Variants in RNF17 observed in about 807,000 individuals in gnomAD.
RNF17 encodes the protein spermatogenesis associated 23.
Under a neutral mutation model 200.5 loss-of-function variants are expected in RNF17, and 31 were observed. The observed-to-expected ratio is 0.15, with a 90% CI of 0.12 to 0.21. The LOEUF is 0.21. Ranked by LOEUF, RNF17 falls within the 10% of genes least tolerant of loss-of-function variation. The pLI, the probability that RNF17 is intolerant of heterozygous loss-of-function variation, is 1.00. For missense variants in RNF17, 1,628 were observed against 1,905.1 expected (o/e 0.85, Z 2.71); for synonymous variants, 606 against 637.8 (o/e 0.95, Z 0.75).
chr13:24,831,788 A>C, intron 17 of RNF17, 70 bp from the exon 18 acceptor site: 1 of 1,370,256 alleles, frequency 7.3e-7, no homozygotes, highest in Non-Finnish European at 1.0e-6. Context: ...TACACACTTA[A>C]TAAAACTTGA....
chr13:24,881,671 A>G (rs1953823322), downstream of RNF17, among the ~76,000 whole-genome samples: 1 of 148,692 alleles, frequency 6.7e-6, no homozygotes, highest in Non-Finnish European at 1.5e-5. Context: ...ACCTATATAT[A>G]TCTATCTAGA....
intron 2 of RNF17, among the ~76,000 whole-genome samples, chr13:24,773,866 C>A (rs567116110): frequency 6.6e-6 from 1 of 152,228 alleles, no homozygotes; most frequent in Admixed American, 6.5e-5. Flanking sequence ...CCTAGGCACC[C>A]AGAGAATGAT....
intron 15 of RNF17, among the ~76,000 whole-genome samples, chr13:24,807,670 T>C (rs988396334): frequency 2.0e-5 from 3 of 151,984 alleles, no homozygotes; most frequent in African/African-American, 7.2e-5. Context: ...TTTGTCAATT[T>C]TGTCTTTTGT....
At position 24,804,193 on chromosome 13, in the gene RNF17, G is replaced by T. The variant is rs911085542; in HGVS notation, c.1950-95G>T. 2.6e-6 allele frequency: 3 copies of T among 1,132,320 alleles called. No individual in the cohort carries two copies. In the African/African-American group the frequency reaches 4.6e-5, roughly 18 times the overall value. 70.1% of individuals were successfully genotyped at this position (1,132,320 alleles called of 1,614,324 possible). A position where few individuals can be genotyped will look rare whatever the true frequency, so the allele number is the denominator to read the frequency against. On this transcript the variant is annotated intron_variant, in intron 14 of 35. Coordinates refer to ENST00000255324, the MANE Select transcript of RNF17 (RefSeq NM_031277.3). ...GGGAGGATTGCTTGAGCCCAGAAGG[G>T]TAGAGGCTGCAGTGAGCCATGATAG...
rs538794373 is a variant in RNF17 at position 24,773,454 on chromosome 13, A to G, written c.226-1359A>G. On this transcript the variant is annotated intron_variant, in intron 2 of 35. Coordinates refer to ENST00000255324, the MANE Select transcript of RNF17 (RefSeq NM_031277.3). ...ATCCTAAGCAAATTAATGCAGAAAC[A>G]GAAAACCAAGTACCACATTTTCACT... Among the ~76,000 whole-genome samples the G allele has an allele frequency of 3.5e-4, 53 of 152,356 alleles. No individual in the cohort carries two copies. The Middle Eastern group carries it at 0.014, about 39-fold the overall frequency.
chr13:24,778,221 C>A, intron 3 of RNF17, 74 bp from the exon 4 acceptor site: 1 of 954,586 alleles, frequency 1.0e-6, no homozygotes, highest in Admixed American at 1.9e-5. Context: ...ATGATGGTGC[C>A]ACTGCACTCT....
chr13:24,881,232 T>C (rs192944289), downstream of RNF17, among the ~76,000 whole-genome samples: 1 of 152,066 alleles, frequency 6.6e-6, no homozygotes, highest in Admixed American at 6.5e-5. Context: ...CTGCAACCTC[T>C]GCCTCCTGAG....
Position 24,792,158 on chromosome 13 carries a change from A to G in RNF17, c.936-884A>G, listed in dbSNP as rs75821073. On this transcript the variant is annotated intron_variant, in intron 9 of 35. Coordinates refer to ENST00000255324, the MANE Select transcript of RNF17 (RefSeq NM_031277.3). ...TTTTCACAACTTGAATATGGTTACT[A>G]TCCGCATTTCTAAGACACTAAAAAC... Among the ~76,000 whole-genome samples the G allele has an allele frequency of 8.6e-4, 131 of 152,310 alleles. 1 individual carries two copies. The highest frequency in any genetic ancestry group is 3.1e-3 in the African/African-American group (130 of 41,574).
intron 18 of RNF17, among the ~76,000 whole-genome samples, chr13:24,836,273 C>T (rs1211081774): frequency 2.0e-5 from 3 of 152,074 alleles, no homozygotes; most frequent in South Asian, 2.1e-4. Flanking sequence ...AAGCACAAAG[C>T]TTGGAAAATG....
At chr13:24,874,327 C>T in intron 33 of RNF17, 78 bp downstream of exon 33, 13 of 1,248,418 alleles carry the variant, frequency 1.0e-5, no homozygotes, top group South Asian at 5.1e-5. Flanking sequence ...ATTTTTGCCT[C>T]TTTTAAAAGA....
chr13:24,867,966 C>G (rs1014943581), intron 30 of RNF17, among the ~76,000 whole-genome samples: 1 of 152,050 alleles, frequency 6.6e-6, no homozygotes, highest in Non-Finnish European at 1.5e-5. Flanking sequence ...CCTCAAACAC[C>G]CCAGCCCTCA....
chr13:24,849,090 CAAGAT>C (rs1355408300), intron 22 of RNF17, among the ~76,000 whole-genome samples: 1 of 152,038 alleles, frequency 6.6e-6, no homozygotes, highest in African/African-American at 2.4e-5. Context: ...CTCAGGAGAC[CAAGAT>C]GGGAGGATCC....
chr13:24,777,977 G>A (rs533073848), intron 3 of RNF17, among the ~76,000 whole-genome samples: 2 of 151,924 alleles, frequency 1.3e-5, no homozygotes, highest in African/African-American at 2.4e-5. Flanking sequence ...AATAATGTAC[G>A]TGGGCCAGGC....
intron 10 of RNF17, among the ~76,000 whole-genome samples, chr13:24,793,756 T>C (rs900392487): frequency 2.6e-5 from 4 of 152,112 alleles, no homozygotes; most frequent in Non-Finnish European, 4.4e-5. Context: ...TACAATGTTA[T>C]CTATTTTATG....
intron 14 of RNF17, chr13:24,804,044 T>G (rs1885558363): frequency 2.5e-6 from 1 of 393,654 alleles, no homozygotes; most frequent in African/African-American, 2.1e-5. Flanking sequence ...GCCAAGGCAG[T>G]AGGGTCGCCT....
chr13:24,753,196 C>G, the RNF17 span, among the ~76,000 whole-genome samples: 6 of 152,266 alleles, frequency 3.9e-5, no homozygotes, highest in African/African-American at 1.4e-4. Context: ...ACTTCTGAAG[C>G]ATCATAAATC....
At chr13:24,851,340 G>T in intron 23 of RNF17, 116 bp from the exon 24 acceptor site, 1 of 756,150 alleles carries the variant, frequency 1.3e-6, no homozygotes, top group Non-Finnish European at 2.2e-6. Context: ...ACTTGACTCA[G>T]CTGGGAATAT....
the RNF17 span, chr13:24,885,794 T>A: frequency 5.5e-6 from 4 of 726,842 alleles, no homozygotes; most frequent in South Asian, 6.5e-5. Context: ...GTTAAGGATG[T>A]CTTAATATTT....
chr13:24,754,774 T>C, the RNF17 span, among the ~76,000 whole-genome samples: 171 of 152,084 alleles, frequency 1.1e-3, no homozygotes, highest in African/African-American at 3.9e-3. Context: ...CCTGTGCCTA[T>C]AGCCTCAGCT....
Sources: gnomAD v4.1 joint callset for allele counts (sites outside exome capture counted in the v4.1 genomes callset) on GRCh38, gnomAD v4.1.1 for gene constraint, MANE v1.5 for transcripts, NCBI Gene and HGNC (gene_info 2026-07-23, HGNC 2026-07-21) for gene names.